The following CASR variants were observed in gnomAD, a reference collection of about 807,000 sequenced individuals.
The protein encoded by CASR is extracellular calcium-sensing receptor.
Under a neutral mutation model 69.1 loss-of-function variants are expected in CASR, and 23 were observed. The observed-to-expected ratio is 0.33, with a 90% CI of 0.24 to 0.47. The LOEUF is 0.47. CASR is among the 20% of genes least tolerant of loss of function. The probability of loss-of-function intolerance (pLI) is 1.00; values close to 1 mark genes in which losing one functional copy is unlikely to be tolerated. For synonymous variants in CASR, 541 were observed against 544.7 expected (o/e 0.99, Z 0.10); for missense variants, 924 against 1,356.1 (o/e 0.68, Z 5.00).
intron 3 of CASR, among the ~76,000 whole-genome samples, chr3:122,259,787 G>A (rs1218171135): frequency 4.0e-5 from 6 of 151,874 alleles, no homozygotes; most frequent in South Asian, 2.1e-4. Context: ...CCGCCACCAC[G>A]CCCGGCTAAT....
chr3:122,190,997 A>T (rs1328636965), intron 1 of CASR, among the ~76,000 whole-genome samples: 1 of 152,246 alleles, frequency 6.6e-6, no homozygotes, highest in Non-Finnish European at 1.5e-5. Context: ...GCTCTTCTCA[A>T]GATTCAGCTG....
chr3:122,245,643 A>T (rs1576845541), intron 1 of CASR, among the ~76,000 whole-genome samples: 2 of 152,338 alleles, frequency 1.3e-5, no homozygotes, highest in South Asian at 4.1e-4. Flanking sequence ...ATAATAAAAA[A>T]AAAAGAGGCA....
chr3:122,281,203 C>G (rs2074883268), intron 5 of CASR, among the ~76,000 whole-genome samples: 1 of 152,166 alleles, frequency 6.6e-6, no homozygotes, highest in South Asian at 2.1e-4. Context: ...TTGTTTTTAA[C>G]AAAAACTAAT....
In CASR at chr3:122,261,792, C is replaced by A. The variant is rs202179597; in HGVS notation, c.757C>A (p.Gln253Lys). 48 of 1,614,222 alleles carry A rather than the reference C, an allele frequency of 3.0e-5. No individual in the cohort carries two copies. In the African/African-American group the frequency reaches 6.3e-4, roughly 21 times the overall value. ...ISQYSDEEEI[Q>K]HVVEVIQNST... ...CCAGTACTCTGATGAGGAAGAGATC[C>A]AGCATGTGGTAGAGGTGATTCAAAA... Residue 253 changes from glutamine to lysine, a missense_variant, in exon 4 of 7, where the codon CAG becomes AAG. By Grantham distance (53) the Gln-to-Lys change is moderately conservative. Transcript: ENST00000639785.
chr3:122,190,133 C>G (rs1051663923), intron 1 of CASR, among the ~76,000 whole-genome samples: 7 of 152,120 alleles, frequency 4.6e-5, no homozygotes, highest in Non-Finnish European at 1.0e-4. Context: ...GGCTGAGGCT[C>G]TCTACCACAG....
chr3:122,231,568 G>A (rs1031231485), intron 1 of CASR, among the ~76,000 whole-genome samples: 3 of 152,170 alleles, frequency 2.0e-5, no homozygotes, highest in Admixed American at 2.0e-4. Context: ...ACTAAATGGG[G>A]AATAAGGAAA....
rs371941718 is a variant in CASR at position 122,261,917 on chromosome 3, G to A, written c.882G>A (p.Leu294=). The change falls in exon 4 of 7, where the codon CTG becomes CTA. Residue 294 remains leucine (L), a synonymous_variant. Transcript: ENST00000639785. The part of the protein sequence containing the change: ...VRRNITGKIW[L]ASEAWASSSL... ...GCAATATCACGGGCAAGATCTGGCT[G>A]GCCAGCGAGGCCTGGGCCAGCTCCT... 1 of 1,614,026 alleles carries A rather than the reference G, an allele frequency of 6.2e-7. No individual in the cohort carries two copies.
intron 1 of CASR, among the ~76,000 whole-genome samples, chr3:122,248,608 ATTT>A (rs539049283): frequency 4.2e-5 from 6 of 141,634 alleles, no homozygotes; most frequent in Non-Finnish European, 1.5e-5. Flanking sequence ...GCAACCTAGA[ATTT>A]TTTTTTTTTT....
At chr3:122,265,462 A>C (rs1275245942) in intron 4 of CASR, among the ~76,000 whole-genome samples, 1 of 152,050 alleles carries the variant, frequency 6.6e-6, no homozygotes, top group Non-Finnish European at 1.5e-5. Flanking sequence ...CCTTTGCTGT[A>C]CTCTAAGCTT....
chr3:122,231,726 C>A (rs1052271219), intron 1 of CASR, among the ~76,000 whole-genome samples: 2 of 148,518 alleles, frequency 1.3e-5, no homozygotes, highest in African/African-American at 5.0e-5. Flanking sequence ...TCATCAGCAT[C>A]TCAAAGACAC....
intron 1 of CASR, among the ~76,000 whole-genome samples, chr3:122,211,820 C>A (rs1211310693): frequency 6.6e-6 from 1 of 152,120 alleles, no homozygotes; most frequent in Non-Finnish European, 1.5e-5. Context: ...AGTTCAACAT[C>A]ACTGATCATT....
intron 1 of CASR, among the ~76,000 whole-genome samples, chr3:122,208,916 CT>C (rs1453758421): frequency 6.6e-6 from 1 of 152,204 alleles, no homozygotes; most frequent in Non-Finnish European, 1.5e-5. Flanking sequence ...GGAAAAAGAT[CT>C]TTTGTGTAGT....
chr3:122,206,461 G>T (rs2074007932), intron 1 of CASR, among the ~76,000 whole-genome samples: 1 of 151,790 alleles, frequency 6.6e-6, no homozygotes, highest in Non-Finnish European at 1.5e-5. Flanking sequence ...TTAATGTGTT[G>T]TTGCATTCAT....
In CASR at chr3:122,254,349, A is replaced by C. The variant is rs2074531057; in HGVS notation, c.160A>C (p.Arg54=). 1 of 1,614,128 alleles carries C rather than the reference A, an allele frequency of 6.2e-7. No individual in the cohort carries two copies. Among genetic ancestry groups the C allele is most frequent in the African/African-American group, 1.3e-5 (1 of 74,938 alleles). Residue 54 remains arginine (R), a synonymous_variant, in exon 2 of 7, where the codon AGG becomes CGG. Transcript: ENST00000639785. ...VAAKDQDLKS[R]PESVECIRYN... is the part of the protein sequence containing the mutation. ...AGCTAAAGATCAAGATCTCAAATCAAGGCCGGAGTCTGTGGAATGTATCAG... is the reference window on the plus strand; with the variant it reads ...AGCTAAAGATCAAGATCTCAAATCACGGCCGGAGTCTGTGGAATGTATCAG...
intron 6 of CASR, among the ~76,000 whole-genome samples, chr3:122,283,154 C>T (rs1387141720): frequency 6.6e-6 from 1 of 152,204 alleles, no homozygotes; most frequent in African/African-American, 2.4e-5. Flanking sequence ...AAAGCCCATC[C>T]ATATATCCAA....
At chr3:122,229,735 AC>A (rs1270570808) in intron 1 of CASR, among the ~76,000 whole-genome samples, 1 of 150,280 alleles carries the variant, frequency 6.7e-6, no homozygotes, top group Non-Finnish European at 1.5e-5. Flanking sequence ...GGTGGCACAC[AC>A]CTGTAATCTC....
chr3:122,243,681 A>AC (rs1168732416), intron 1 of CASR, among the ~76,000 whole-genome samples: 1 of 152,082 alleles, frequency 6.6e-6, no homozygotes, highest in Non-Finnish European at 1.5e-5. Flanking sequence ...AGGTATATAT[A>AC]CCCCAAAGAA....
chr3:122,244,037 G>A (rs766515227), intron 1 of CASR, among the ~76,000 whole-genome samples: 14 of 152,098 alleles, frequency 9.2e-5, no homozygotes, highest in East Asian at 1.9e-4. Context: ...GAGGGTAGTC[G>A]GGGAGTGGGG....
intron 1 of CASR, among the ~76,000 whole-genome samples, chr3:122,201,146 G>A (rs148148022): frequency 0.01 from 1,524 of 152,074 alleles, 9 homozygotes; most frequent in South Asian, 0.022. Flanking sequence ...AGGACCCTGC[G>A]GCCTTCCGCA....
Sources: gnomAD v4.1 joint callset for allele counts (sites outside exome capture counted in the v4.1 genomes callset) on GRCh38, gnomAD v4.1.1 for gene constraint, MANE v1.5 for transcripts, NCBI Gene and HGNC (gene_info 2026-07-23, HGNC 2026-07-21) for gene names.